BTD: variants seen among roughly 807,000 people sequenced by gnomAD.
BTD encodes the protein biocytinase.
Under a neutral mutation model 17.7 loss-of-function variants are expected in BTD, and 13 were observed. The observed-to-expected ratio is 0.74, with a 90% CI of 0.48 to 1.17. BTD has a LOEUF of 1.17. BTD is among the 50% of genes most tolerant of loss of function. The pLI is 0.00. For missense variants in BTD, 674 were observed against 650.4 expected (o/e 1.04, Z -0.39); for synonymous variants, 240 against 245.2 (o/e 0.98, Z 0.20).
At chr3:15,655,025 G>A (rs930917028), downstream of BTD, among the ~76,000 whole-genome samples, 14 of 152,106 alleles carry the variant, frequency 9.2e-5, no homozygotes, top group Non-Finnish European at 8.8e-5. Flanking sequence ...GAGCCACCGC[G>A]CCCGGCCTGC....
At chr3:15,670,439 T>C (rs760808531) in intron 3 of BTD, 36 of 1,613,814 alleles carry the variant, frequency 2.2e-5, no homozygotes, top group South Asian at 8.8e-5. Flanking sequence ...GTTAATGGCA[T>C]TGAATGTTAA....
chr3:15,697,020 A>G (rs941853628), intron 3 of BTD, among the ~76,000 whole-genome samples: 4 of 152,234 alleles, frequency 2.6e-5, no homozygotes, highest in Non-Finnish European at 5.9e-5. Flanking sequence ...CGCAATTGCA[A>G]AAATATGAAA....
chr3:15,603,234 A>G (rs1379074900), intron 1 of BTD, among the ~76,000 whole-genome samples: 1 of 152,206 alleles, frequency 6.6e-6, no homozygotes, highest in African/African-American at 2.4e-5. Context: ...CTCACATTTC[A>G]AAACCAATCA....
At chr3:15,702,056 T>A (rs1346756707) in intron 3 of BTD, among the ~76,000 whole-genome samples, 4 of 152,248 alleles carry the variant, frequency 2.6e-5, no homozygotes, top group Non-Finnish European at 5.9e-5. Flanking sequence ...TTGGCATACC[T>A]TTCAGATTTT....
intron 3 of BTD, among the ~76,000 whole-genome samples, chr3:15,666,802 A>G (rs1038133698): frequency 5.3e-5 from 8 of 152,216 alleles, no homozygotes; most frequent in South Asian, 4.1e-4. Flanking sequence ...TTCTTTTCAC[A>G]TAGGGTTTGC....
Position 15,635,698 on chromosome 3 carries a change from C to T in BTD, c.249+10C>T. ...GACTGCAGCCCAAAAGGCAAGAATG[C>T]TCCTCGGAACCTGAGTTTCTCTCAT... On this transcript the variant is annotated intron_variant, in intron 2 of 3. Transcript: ENST00000643237. The surrounding 1 kb of genome is among the most constrained non-coding windows in gnomAD (Gnocchi z 4.1). 1 of 1,614,046 alleles carries T rather than the reference C, an allele frequency of 6.2e-7. No homozygotes were observed. The highest frequency in any genetic ancestry group is 8.5e-7 in the Non-Finnish European group (1 of 1,179,948).
intron 3 of BTD, among the ~76,000 whole-genome samples, chr3:15,670,845 G>T (rs2066264238): frequency 6.6e-6 from 1 of 152,066 alleles, no homozygotes; most frequent in Non-Finnish European, 1.5e-5. Context: ...TGAATTCACA[G>T]AAAAAACTGG....
intron 3 of BTD, chr3:15,669,051 T>A (rs1325320814): frequency 6.6e-6 from 1 of 152,424 alleles, no homozygotes; most frequent in African/African-American, 2.4e-5. Flanking sequence ...AGTCTTCAAT[T>A]TGGCAGGCAA....
intron 1 of BTD, among the ~76,000 whole-genome samples, chr3:15,613,378 T>C (rs1376637238): frequency 1.3e-5 from 2 of 152,242 alleles, no homozygotes; most frequent in African/African-American, 2.4e-5. Context: ...CTGATTTCTT[T>C]TGCTGCTTCT....
chr3:15,646,810 CT>C lies in BTD; in HGVS notation c.*1323del, dbSNP rs1305487692. Reference sequence around the variant, plus strand: ...TATAAAGCAAGAAAAATGAAATGATCTCCCTATTCCCCCACGGTGTAGGCCT... The same window carrying C: ...TATAAAGCAAGAAAAATGAAATGATCCCCTATTCCCCCACGGTGTAGGCCT... On this transcript the variant is annotated 3_prime_UTR_variant, in exon 4 of 4. Transcript: ENST00000643237. 2 of 152,166 alleles carry C rather than the reference CT, an allele frequency of 1.3e-5. No homozygotes were observed. Among genetic ancestry groups the C allele is most frequent in the African/African-American group, 4.8e-5 (2 of 41,436 alleles). The allele number at this position is 152,166 out of a possible 1,614,324, so 9.4% of individuals were successfully genotyped here.
intron 3 of BTD, among the ~76,000 whole-genome samples, 166 bp from the exon 4 acceptor site, chr3:15,644,150 A>G (rs1441179805): frequency 6.6e-6 from 1 of 151,878 alleles, no homozygotes; most frequent in African/African-American, 2.4e-5. Flanking sequence ...ACAGGCATCC[A>G]CCACCACGCC....
At chr3:15,641,550 C>T (rs1364438671) in intron 2 of BTD, among the ~76,000 whole-genome samples, 2 of 152,176 alleles carry the variant, frequency 1.3e-5, no homozygotes, top group African/African-American at 4.8e-5. Flanking sequence ...AGTAGTTGGC[C>T]CCATCTCCCC....
chr3:15,644,352 G>A lies in BTD; in HGVS notation c.436G>A (p.Asp146Asn), dbSNP rs959662876. ...QRLSCMAIRGDMFLVANLGTK... is the reference protein window; with the variant it reads ...QRLSCMAIRGNMFLVANLGTK... The stretch of plus-strand genomic sequence containing the variant: ...CCTGAGTTGTATGGCCATCAGGGGA[G>A]ATATGTTCTTGGTGGCCAATCTTGG... Residue 146 changes from aspartate to asparagine, a missense_variant, in exon 4 of 4, where the codon GAT (aspartate) becomes AAT (asparagine). Transcript: ENST00000643237. 1.2e-6 allele frequency: 2 copies of A among 1,614,058 alleles called. No homozygotes were observed. Among genetic ancestry groups the A allele is most frequent in the Admixed American group, 1.7e-5 (1 of 60,014 alleles).
intron 3 of BTD, chr3:15,667,179 C>G (rs960594742): frequency 1.3e-5 from 2 of 152,110 alleles, no homozygotes; most frequent in Non-Finnish European, 2.9e-5. Context: ...CTTGTCAATT[C>G]AATGCTAGAC....
chr3:15,714,532 GAAA>G (rs5846873), downstream of BTD: 322 of 1,084,876 alleles, frequency 3.0e-4, no homozygotes, highest in Non-Finnish European at 3.8e-4. Flanking sequence ...CTACATTTAA[GAAA>G]AAAAAAAAAA....
chr3:15,695,336 A>T (rs1352350086), intron 3 of BTD: 1 of 695,708 alleles, frequency 1.4e-6, no homozygotes, highest in Non-Finnish European at 2.5e-6. Context: ...GCTCCAAAAA[A>T]TTAGGTGTTT....
chr3:15,681,841 G>A (rs906044738), intron 3 of BTD, among the ~76,000 whole-genome samples: 3 of 152,138 alleles, frequency 2.0e-5, no homozygotes, highest in African/African-American at 7.2e-5. Context: ...GCATCTAGTG[G>A]GTAGAAACCA....
intron 1 of BTD, 49 bp downstream of exon 1, chr3:15,601,943 C>T (rs769229686): frequency 6.2e-7 from 1 of 1,602,396 alleles, no homozygotes; most frequent in African/African-American, 1.3e-5. Flanking sequence ...TAAGGGCGTG[C>T]GGTCCAGACC....
At chr3:15,616,953 C>G (rs373807128) in intron 1 of BTD, among the ~76,000 whole-genome samples, 3 of 152,152 alleles carry the variant, frequency 2.0e-5, no homozygotes, top group African/African-American at 7.2e-5. Context: ...CTGCCTCAGC[C>G]TCCCGAGTAG....
Sources: allele counts gnomAD v4.1 joint callset (sites outside exome capture counted in the v4.1 genomes callset), GRCh38; gene constraint gnomAD v4.1.1; non-coding constraint Gnocchi (gnomAD v3.1); transcripts MANE v1.5; gene names NCBI Gene and HGNC (gene_info 2026-07-23, HGNC 2026-07-21).